SH3RF3: variants seen among roughly 807,000 people sequenced by gnomAD.
SH3RF3 encodes the protein E3 ubiquitin-protein ligase SH3RF3.
In SH3RF3, 29 loss-of-function variants were observed where a neutral mutation model predicts 66.3. That is an observed-to-expected ratio of 0.44 (90% CI 0.33 to 0.60). The LOEUF (loss-of-function observed/expected upper bound fraction) is 0.60, where lower values mean the gene tolerates loss of function less well. Ranked by LOEUF, SH3RF3 falls within the 20% of genes least tolerant of loss-of-function variation. The probability of loss-of-function intolerance (pLI) is 0.04; values close to 1 mark genes in which losing one functional copy is unlikely to be tolerated. For synonymous variants in SH3RF3, 583 were observed against 532.0 expected (o/e 1.10, Z -1.32); for missense variants, 1,194 against 1,190.9 (o/e 1.00, Z -0.04).
intron 8 of SH3RF3, among the ~76,000 whole-genome samples, chr2:109,459,041 A>G (rs180698453): frequency 1.3e-4 from 20 of 152,224 alleles, no homozygotes; most frequent in Non-Finnish European, 2.5e-4. Flanking sequence ...ATGATACAAC[A>G]AGCCTGACTA....
intron 8 of SH3RF3, among the ~76,000 whole-genome samples, chr2:109,457,519 C>G (rs1429535473): frequency 1.3e-5 from 2 of 152,226 alleles, no homozygotes; most frequent in Admixed American, 6.5e-5. Context: ...TAACGAGTAA[C>G]TAATCAGGAT....
intron 5 of SH3RF3, among the ~76,000 whole-genome samples, chr2:109,421,598 T>C (rs546505737): frequency 2.6e-5 from 4 of 152,340 alleles, no homozygotes; most frequent in African/African-American, 9.6e-5. Context: ...CCAGTTCGCC[T>C]GCCCTGGGGG....
chr2:109,243,997 G>A (rs1011092261), intron 1 of SH3RF3, among the ~76,000 whole-genome samples: 2 of 152,196 alleles, frequency 1.3e-5, no homozygotes, highest in South Asian at 4.1e-4. Flanking sequence ...TGTGCTCATA[G>A]GTGAAGTTTT....
chr2:109,294,873 T>C lies in SH3RF3; in HGVS notation c.574-52801T>C, dbSNP rs145214751. Among the ~76,000 whole-genome samples the C allele has an allele frequency of 2.6e-5, 4 of 152,260 alleles. No individual in the cohort carries two copies. The East Asian group carries it at 7.8e-4, about 30-fold the overall frequency. On this transcript the variant is annotated intron_variant, in intron 1 of 9. Transcript: ENST00000309415. ...TGGGGTGCACAGAGGAGGTGCTGCA[T>C]GAGTGAGAAAGACTTAGTGAGGAGA...
intron 9 of SH3RF3, among the ~76,000 whole-genome samples, chr2:109,491,749 C>T (rs1012202761): frequency 6.6e-6 from 1 of 152,226 alleles, no homozygotes; most frequent in Non-Finnish European, 1.5e-5. Flanking sequence ...ATGATCCTTA[C>T]TGAGTGCCTA....
intron 1 of SH3RF3, among the ~76,000 whole-genome samples, chr2:109,135,951 C>T (rs1676805731): frequency 6.6e-6 from 1 of 152,172 alleles, no homozygotes; most frequent in South Asian, 2.1e-4. Flanking sequence ...CTGATCCAGC[C>T]TGTTGGCAGG....
chr2:109,326,690 G>T (rs897514104), intron 1 of SH3RF3, among the ~76,000 whole-genome samples: 9 of 152,170 alleles, frequency 5.9e-5, no homozygotes, highest in Non-Finnish European at 8.8e-5. Flanking sequence ...TTTCTTGAAA[G>T]ATCTATCTGT....
At chr2:109,437,856 G>A (rs1300819683) in intron 7 of SH3RF3, among the ~76,000 whole-genome samples, 1 of 152,164 alleles carries the variant, frequency 6.6e-6, no homozygotes, top group Non-Finnish European at 1.5e-5. Context: ...GCTGATGCTG[G>A]ATTCGCAGGA....
chr2:109,465,923 G>A (rs571542309), intron 8 of SH3RF3, among the ~76,000 whole-genome samples: 5 of 152,098 alleles, frequency 3.3e-5, no homozygotes, highest in Admixed American at 2.0e-4. Context: ...CCAAGGATCC[G>A]TCCCCACGAT....
At chr2:109,222,522 A>C (rs1679279585) in intron 1 of SH3RF3, among the ~76,000 whole-genome samples, 1 of 151,958 alleles carries the variant, frequency 6.6e-6, no homozygotes, top group Non-Finnish European at 1.5e-5. Context: ...CCTTCAGCAG[A>C]GGGAGTGCAT....
intron 1 of SH3RF3, among the ~76,000 whole-genome samples, chr2:109,176,810 AAC>A (rs1461854156): frequency 6.6e-6 from 1 of 152,200 alleles, no homozygotes; most frequent in Non-Finnish European, 1.5e-5. Context: ...CTCAGCCGTG[AAC>A]TTTATCTTAT....
intron 8 of SH3RF3, among the ~76,000 whole-genome samples, chr2:109,462,157 A>C (rs569745495): frequency 3.0e-4 from 45 of 150,066 alleles, no homozygotes; most frequent in Non-Finnish European, 3.4e-4. Flanking sequence ...TCCAGTCAGC[A>C]CAAGGCCATC....
At chr2:109,374,023 T>A (rs1284519178) in intron 3 of SH3RF3, among the ~76,000 whole-genome samples, 1 of 152,156 alleles carries the variant, frequency 6.6e-6, no homozygotes, top group Non-Finnish European at 1.5e-5. Context: ...TGTGCCTTCC[T>A]GCAGCATGAC....
intron 1 of SH3RF3, among the ~76,000 whole-genome samples, chr2:109,260,963 G>A (rs1423784367): frequency 1.3e-5 from 2 of 152,160 alleles, no homozygotes; most frequent in East Asian, 3.9e-4. Flanking sequence ...ACTGTTTGAG[G>A]TGTTCTCAGC....
At chr2:109,414,774 C>G (rs542172547) in intron 4 of SH3RF3, among the ~76,000 whole-genome samples, 1 of 152,332 alleles carries the variant, frequency 6.6e-6, no homozygotes, top group Non-Finnish European at 1.5e-5. Context: ...TTGTTCCTGT[C>G]TCTCCAGCAG....
intron 1 of SH3RF3, among the ~76,000 whole-genome samples, chr2:109,245,183 T>C (rs13399447): frequency 0.066 from 10,060 of 152,194 alleles, 908 homozygotes; most frequent in African/African-American, 0.21. Flanking sequence ...GCCATGTGGC[T>C]TCTGTGCTCC....
intron 4 of SH3RF3, among the ~76,000 whole-genome samples, chr2:109,412,394 C>A (rs1026464064): frequency 6.6e-6 from 1 of 152,370 alleles, no homozygotes; most frequent in Non-Finnish European, 1.5e-5. Flanking sequence ...CTGTGCTTTG[C>A]TTGTGCTATG....
intron 1 of SH3RF3, among the ~76,000 whole-genome samples, chr2:109,265,984 A>G (rs1207982199): frequency 6.6e-6 from 1 of 152,046 alleles, no homozygotes; most frequent in Non-Finnish European, 1.5e-5. Context: ...ACATTTGCTT[A>G]TGTGCGCATG....
chr2:109,449,975 A>C (rs1386899613), intron 8 of SH3RF3, among the ~76,000 whole-genome samples: 1 of 152,212 alleles, frequency 6.6e-6, no homozygotes, highest in African/African-American at 2.4e-5. Context: ...GAGCAATGAG[A>C]AGGAACAGGA....
Sources: allele counts gnomAD v4.1 joint callset (sites outside exome capture counted in the v4.1 genomes callset), GRCh38; gene constraint gnomAD v4.1.1; transcripts MANE v1.5; gene names NCBI Gene and HGNC (gene_info 2026-07-23, HGNC 2026-07-21).